Variants in ZSWIM5 observed in about 807,000 individuals in gnomAD.
ZSWIM5 encodes zinc finger SWIM-type containing 5.
A neutral mutation model predicts 119.6 loss-of-function variants in ZSWIM5; 55 were observed. The observed-to-expected ratio is 0.46, with a 90% CI of 0.37 to 0.58. ZSWIM5 has a LOEUF of 0.58. Among genes scored for constraint, ZSWIM5 ranks in the 20% least tolerant of loss-of-function variants. The pLI is 0.00. For missense variants in ZSWIM5, 1,193 were observed against 1,512.8 expected (o/e 0.79, Z 3.51); for synonymous variants, 537 against 606.9 (o/e 0.88, Z 1.69).
At chr1:45,169,907 A>G (rs977075978) in intron 1 of ZSWIM5, among the ~76,000 whole-genome samples, 10 of 152,144 alleles carry the variant, frequency 6.6e-5, no homozygotes, top group African/African-American at 2.4e-4. Flanking sequence ...GTTATGAAAC[A>G]TCATCCTCCT....
At chr1:45,149,242 C>T (rs931979443) in intron 1 of ZSWIM5, among the ~76,000 whole-genome samples, 9 of 152,098 alleles carry the variant, frequency 5.9e-5, no homozygotes, top group Admixed American at 1.3e-4. Context: ...CTAGCCTGGT[C>T]AACAGAGCAA....
intron 2 of ZSWIM5, among the ~76,000 whole-genome samples, chr1:45,064,352 A>T (rs1398223753): frequency 6.6e-6 from 1 of 152,140 alleles, no homozygotes; most frequent in East Asian, 1.9e-4. Context: ...CTAAATTGAA[A>T]TTTTTTAAAA....
intron 1 of ZSWIM5, among the ~76,000 whole-genome samples, chr1:45,093,842 G>A (rs1645381619): frequency 9.0e-6 from 1 of 111,608 alleles, no homozygotes; most frequent in Non-Finnish European, 1.8e-5. Context: ...ACATGTAGAA[G>A]CTTGTTTTTT....
In ZSWIM5 at chr1:45,126,217, G is replaced by GA. The variant is rs551160977; in HGVS notation, c.596-37981dup. ...GTAAAGAGAAGAAATCCATGAAACT[G>GA]AAAAAAAAAAAATCAATGAAACAAA... is the stretch of plus-strand genomic sequence containing the variant. On this transcript the variant is annotated intron_variant, in intron 1 of 13. Coordinates refer to ENST00000359600, the MANE Select transcript of ZSWIM5 (RefSeq NM_020883.2). Among the ~76,000 whole-genome samples, 540 of 125,682 alleles carry GA rather than the reference G, an allele frequency of 4.3e-3. 8 individuals are homozygous for GA. Among genetic ancestry groups the GA allele is most frequent in the Middle Eastern group, 0.034 (8 of 238 alleles). The allele number at this position is 125,682 out of a possible 152,430, so 82.5% of individuals were successfully genotyped here.
chr1:45,067,109 T>C (rs1228023309), intron 2 of ZSWIM5, among the ~76,000 whole-genome samples: 1 of 152,066 alleles, frequency 6.6e-6, no homozygotes, highest in Non-Finnish European at 1.5e-5. Flanking sequence ...TAGTTGGATA[T>C]AGAGTCTAAC....
intron 1 of ZSWIM5, among the ~76,000 whole-genome samples, chr1:45,166,431 C>T (rs1335180089): frequency 6.6e-6 from 1 of 152,090 alleles, no homozygotes; most frequent in South Asian, 2.1e-4. Context: ...CCCTCTCTCA[C>T]CACTCCTATT....
chr1:45,134,928 C>A (rs1233610595), intron 1 of ZSWIM5, among the ~76,000 whole-genome samples: 3 of 152,166 alleles, frequency 2.0e-5, no homozygotes, highest in Admixed American at 2.0e-4. Flanking sequence ...CTTTTTAAAG[C>A]CTGCATTACA....
intron 2 of ZSWIM5, among the ~76,000 whole-genome samples, chr1:45,065,106 G>C (rs1276635295): frequency 1.3e-5 from 2 of 152,146 alleles, no homozygotes; most frequent in African/African-American, 4.8e-5. Flanking sequence ...TAATTACTTG[G>C]GGTTTCTGTG....
At chr1:45,055,083 C>T (rs929249745) in intron 4 of ZSWIM5, among the ~76,000 whole-genome samples, 6 of 152,168 alleles carry the variant, frequency 3.9e-5, no homozygotes, top group Non-Finnish European at 7.3e-5. Flanking sequence ...GCTCGCCTCC[C>T]GGGTTCATGC....
chr1:45,156,851 T>A (rs928792065), intron 1 of ZSWIM5, among the ~76,000 whole-genome samples: 1 of 152,012 alleles, frequency 6.6e-6, no homozygotes, highest in African/African-American at 2.4e-5. Flanking sequence ...TAGCATGATC[T>A]TGTATGTAGA....
chr1:45,038,843 A>G (rs1273967445), intron 8 of ZSWIM5, 93 bp downstream of exon 8: 50 of 1,511,586 alleles, frequency 3.3e-5, no homozygotes, highest in Non-Finnish European at 4.0e-5. Context: ...TAATCCACCC[A>G]CCTTGGCCTC....
chr1:45,174,625 TCCTA>T (rs1570180256), intron 1 of ZSWIM5, among the ~76,000 whole-genome samples: 1 of 150,178 alleles, frequency 6.7e-6, no homozygotes, highest in East Asian at 2.0e-4. Context: ...CAAAATACTC[TCCTA>T]CTCGGGGAGC....
chr1:45,131,724 C>CA (rs11336099), intron 1 of ZSWIM5, among the ~76,000 whole-genome samples: 6,423 of 73,318 alleles, frequency 0.088, 390 homozygotes, highest in East Asian at 0.3. Context: ...GACTCTGTCT[C>CA]AAAAAAAAAA....
At chr1:45,033,273 T>G (rs531195527) in intron 11 of ZSWIM5, among the ~76,000 whole-genome samples, 1 of 152,342 alleles carries the variant, frequency 6.6e-6, no homozygotes, top group Non-Finnish European at 1.5e-5. Flanking sequence ...TATGCTTTGT[T>G]CTATTTTTGT....
At chr1:45,180,897 C>G (rs1646013572) in intron 1 of ZSWIM5, among the ~76,000 whole-genome samples, 1 of 152,094 alleles carries the variant, frequency 6.6e-6, no homozygotes, top group Non-Finnish European at 1.5e-5. Context: ...GGAAAACTAA[C>G]AAACAGAAAG....
chr1:45,114,418 T>C (rs1645535328), intron 1 of ZSWIM5, among the ~76,000 whole-genome samples: 1 of 152,104 alleles, frequency 6.6e-6, no homozygotes, highest in Non-Finnish European at 1.5e-5. Flanking sequence ...AAAGGATCAA[T>C]AGGAAGAAAA....
At chr1:45,069,066 C>A (rs1253195989) in intron 2 of ZSWIM5, among the ~76,000 whole-genome samples, 3 of 151,812 alleles carry the variant, frequency 2.0e-5, no homozygotes, top group Admixed American at 1.3e-4. Flanking sequence ...CCTGCTTTGA[C>A]CTCCCAGAGT....
At chr1:45,171,309 C>T (rs1047663525) in intron 1 of ZSWIM5, among the ~76,000 whole-genome samples, 4 of 151,962 alleles carry the variant, frequency 2.6e-5, no homozygotes, top group Admixed American at 2.6e-4. Context: ...GTTGTCTTTT[C>T]AAAAAGTTCT....
At chr1:45,097,505 G>C (rs778699993) in intron 1 of ZSWIM5, among the ~76,000 whole-genome samples, 3 of 152,096 alleles carry the variant, frequency 2.0e-5, no homozygotes, top group Non-Finnish European at 4.4e-5. Context: ...AGTAGTAAAG[G>C]ACCTGAGACA....
Sources: allele counts gnomAD v4.1 joint callset (sites outside exome capture counted in the v4.1 genomes callset), GRCh38; gene constraint gnomAD v4.1.1; transcripts MANE v1.5; gene names NCBI Gene and HGNC (gene_info 2026-07-23, HGNC 2026-07-21).